The following RANBP2 variants were observed in gnomAD, a reference collection of about 807,000 sequenced individuals.
RANBP2 encodes E3 SUMO-protein ligase RanBP2.
A neutral mutation model predicts 303.6 loss-of-function variants in RANBP2; 57 were observed. The observed-to-expected ratio is 0.19, with a 90% CI of 0.15 to 0.23. RANBP2 has a LOEUF of 0.23. RANBP2 is among the 10% of genes least tolerant of loss of function. RANBP2 has a pLI of 1.00. For synonymous variants in RANBP2, 1,167 were observed against 1,301.5 expected (o/e 0.90, Z 2.23); for missense variants, 3,138 against 3,780.8 (o/e 0.83, Z 4.46).
chr2:109,293,191 T>G, the RANBP2 span, among the ~76,000 whole-genome samples: 1 of 152,188 alleles, frequency 6.6e-6, no homozygotes, highest in Non-Finnish European at 1.5e-5. Flanking sequence ...TGGTGCTGTG[T>G]GGGGCCCTGC....
At chr2:109,465,027 G>A in the RANBP2 span, among the ~76,000 whole-genome samples, 13 of 152,300 alleles carry the variant, frequency 8.5e-5, no homozygotes, top group African/African-American at 3.1e-4. Context: ...TGCCTTCATA[G>A]ATTTGCCTTT....
the RANBP2 span, among the ~76,000 whole-genome samples, chr2:109,525,817 G>A: frequency 3.9e-5 from 6 of 152,186 alleles, no homozygotes; most frequent in East Asian, 3.9e-4. Flanking sequence ...GGCCTGTCCT[G>A]GATGTGGCTC....
At chr2:109,157,889 G>A in the RANBP2 span, among the ~76,000 whole-genome samples, 1 of 152,128 alleles carries the variant, frequency 6.6e-6, no homozygotes, top group African/African-American at 2.4e-5. Context: ...CCCTCAGGAT[G>A]GCTTTTCTCT....
At chr2:109,229,784 G>C in the RANBP2 span, among the ~76,000 whole-genome samples, 2 of 150,840 alleles carry the variant, frequency 1.3e-5, no homozygotes, top group Non-Finnish European at 3.0e-5. Flanking sequence ...GCTCATCCAT[G>C]TTTTGGTATG....
chr2:109,059,153 G>A, the RANBP2 span, among the ~76,000 whole-genome samples: 2 of 152,160 alleles, frequency 1.3e-5, no homozygotes, highest in African/African-American at 4.8e-5. Context: ...CTGCTGGCAG[G>A]TCCAGTCAGG....
chr2:109,743,407 G>A, the RANBP2 span, among the ~76,000 whole-genome samples: 3 of 147,746 alleles, frequency 2.0e-5, no homozygotes, highest in African/African-American at 5.1e-5. Flanking sequence ...AGGTAATCAT[G>A]GGTTTGGCTG....
At chr2:109,529,546 T>G in the RANBP2 span, among the ~76,000 whole-genome samples, 1 of 152,186 alleles carries the variant, frequency 6.6e-6, no homozygotes, top group Non-Finnish European at 1.5e-5. Flanking sequence ...GAGGAGGTCC[T>G]GAGGAGCCAA....
chr2:109,610,881 C>T, the RANBP2 span, among the ~76,000 whole-genome samples: 1 of 152,114 alleles, frequency 6.6e-6, no homozygotes, highest in Non-Finnish European at 1.5e-5. Context: ...CTAAAACTTA[C>T]ACAGAGAGGC....
At chr2:109,534,982 C>G in the RANBP2 span, among the ~76,000 whole-genome samples, 1 of 152,148 alleles carries the variant, frequency 6.6e-6, no homozygotes, top group Non-Finnish European at 1.5e-5. Flanking sequence ...ACTCACTCAG[C>G]AAGCCCATTT....
the RANBP2 span, among the ~76,000 whole-genome samples, chr2:108,848,350 T>C: frequency 6.6e-6 from 1 of 152,130 alleles, no homozygotes; most frequent in East Asian, 1.9e-4. Context: ...TAATGAGCCA[T>C]GAAAAAATGA....
At chr2:109,766,241 G>A in the RANBP2 span, among the ~76,000 whole-genome samples, 1 of 151,294 alleles carries the variant, frequency 6.6e-6, no homozygotes, top group East Asian at 2.0e-4. Flanking sequence ...AGGGCTGTGG[G>A]CAGCAGTGGG....
the RANBP2 span, among the ~76,000 whole-genome samples, chr2:109,195,840 C>G: frequency 1.2e-4 from 19 of 152,180 alleles, no homozygotes; most frequent in Admixed American, 2.0e-4. Context: ...GTCGCCTGAT[C>G]CCGGCATGGA....
At position 108,771,841 on chromosome 2, in the gene RANBP2, C is replaced by A; in HGVS notation, c.7990C>A (p.Pro2664Thr). 1 of 1,613,986 alleles carries A rather than the reference C, an allele frequency of 6.2e-7. No homozygotes were observed. The highest frequency in any genetic ancestry group is 8.5e-7 in the Non-Finnish European group (1 of 1,179,944). Reference sequence around the variant, plus strand: ...AACTTTCTTCTGCTACAAGAATAGACCAGATTATGTTAGTGAAGAAGAGGA... The same window carrying A: ...AACTTTCTTCTGCTACAAGAATAGAACAGATTATGTTAGTGAAGAAGAGGA... The part of the protein sequence containing the change: ...PPTFFCYKNR[P>T]DYVSEEEEDD... Residue 2664 changes from proline to threonine, a missense_variant, in exon 21 of 29, where the codon CCA becomes ACA. This residue lies in a region of RANBP2 where 497 missense variants were observed against 465.8 expected (regional missense o/e 1.07). Transcript: ENST00000283195.
the RANBP2 span, among the ~76,000 whole-genome samples, chr2:108,866,576 T>C: frequency 6.6e-6 from 1 of 152,166 alleles, no homozygotes; most frequent in African/African-American, 2.4e-5. Flanking sequence ...TATCCTCAAG[T>C]ATTGACACAT....
At chr2:108,873,830 C>T in the RANBP2 span, among the ~76,000 whole-genome samples, 128 of 152,214 alleles carry the variant, frequency 8.4e-4, no homozygotes, top group African/African-American at 3.0e-3. Context: ...CCATCCTGGG[C>T]CGCATGCAGC....
At chr2:109,130,248 C>T in the RANBP2 span, 14 of 874,524 alleles carry the variant, frequency 1.6e-5, no homozygotes, top group African/African-American at 3.5e-5. Context: ...TGTTGCTCTT[C>T]CTCCAACTTC....
the RANBP2 span, among the ~76,000 whole-genome samples, chr2:109,632,339 C>T: frequency 6.6e-6 from 1 of 152,164 alleles, no homozygotes; most frequent in Non-Finnish European, 1.5e-5. Flanking sequence ...TACAATTGCC[C>T]TGAGGACCCT....
chr2:108,972,629 C>CCA, the RANBP2 span, among the ~76,000 whole-genome samples: 1 of 152,144 alleles, frequency 6.6e-6, no homozygotes, highest in Admixed American at 6.5e-5. Context: ...ACAAGGGTGA[C>CCA]GGGTGTCTTC....
the RANBP2 span, among the ~76,000 whole-genome samples, chr2:108,868,855 C>T: frequency 3.3e-5 from 5 of 152,068 alleles, no homozygotes; most frequent in South Asian, 2.1e-4. Flanking sequence ...TTTCTGATGA[C>T]GTTGTCTTGC....
Sources: gnomAD v4.1 joint callset for allele counts (sites outside exome capture counted in the v4.1 genomes callset) on GRCh38, gnomAD v4.1.1 for gene constraint, gnomAD v4.1.1 regional missense constraint, MANE v1.5 for transcripts, NCBI Gene and HGNC (gene_info 2026-07-23, HGNC 2026-07-21) for gene names.